Variants in GAS7 observed in about 807,000 individuals in gnomAD.
GAS7 encodes growth arrest specific 7.
Under a neutral mutation model 71.1 loss-of-function variants are expected in GAS7, and 28 were observed. The ratio of observed to expected loss-of-function variants is 0.39; its 90% CI spans 0.29 to 0.54. The LOEUF (loss-of-function observed/expected upper bound fraction) is 0.54. GAS7 is among the 20% of genes least tolerant of loss of function. GAS7 has a pLI of 0.62. For synonymous variants in GAS7, 258 were observed against 245.8 expected (o/e 1.05, Z -0.46); for missense variants, 436 against 627.8 (o/e 0.69, Z 3.27).
rs990536190 is a variant in GAS7, at chr17:9,953,353, G to A, written c.525+5849C>T. 1.6e-3 allele frequency among the ~76,000 whole-genome samples: 248 copies of A among 152,122 alleles called. 5 individuals carry two copies. The highest frequency in any genetic ancestry group is 1.3e-4 in the Non-Finnish European group (9 of 68,008). Reference sequence around the variant, plus strand: ...TCCTTGAGGATACCAGTCCTCAGATGGAGCCCCGAGGTGCCTGCCACTGTC... The same window carrying A: ...TCCTTGAGGATACCAGTCCTCAGATAGAGCCCCGAGGTGCCTGCCACTGTC... On this transcript the variant is annotated intron_variant, in intron 5 of 13. Transcript: ENST00000432992.
At chr17:10,193,955 TC>T (rs1369376163) in intron 1 of GAS7, among the ~76,000 whole-genome samples, 38 of 152,224 alleles carry the variant, frequency 2.5e-4, no homozygotes, top group African/African-American at 8.2e-4. Flanking sequence ...AAAACATCAT[TC>T]CTTAATTATC....
At chr17:10,179,468 A>C (rs890176449) in intron 1 of GAS7, among the ~76,000 whole-genome samples, 31 of 138,394 alleles carry the variant, frequency 2.2e-4, no homozygotes, top group Admixed American at 7.0e-4. Context: ...AAGCTGGTTT[A>C]TCTGTCACCT....
intron 1 of GAS7, among the ~76,000 whole-genome samples, chr17:10,029,630 G>C (rs376436230): frequency 2.0e-5 from 3 of 152,074 alleles, no homozygotes; most frequent in Non-Finnish European, 4.4e-5. Context: ...AAGGTAGGGG[G>C]ATCACTTGAG....
chr17:10,190,581 A>G lies in GAS7; in HGVS notation c.183+7627T>C, dbSNP rs76024962. Among the ~76,000 whole-genome samples the G allele has an allele frequency of 9.8e-5, 14 of 142,232 alleles. No homozygotes were observed. In the South Asian group the frequency reaches 2.8e-3, roughly 28 times the overall value. 93.3% of individuals were successfully genotyped at this position (142,232 alleles called of 152,430 possible). ...AGCGACAGAGCAAGACTCCGTCTCAAAAAAAAAAAAAAGAAAAAAAGAAAT... is the reference window on the plus strand; with the variant it reads ...AGCGACAGAGCAAGACTCCGTCTCAGAAAAAAAAAAAAGAAAAAAAGAAAT... On this transcript the variant is annotated intron_variant, in intron 1 of 13. Transcript: ENST00000432992.
intron 6 of GAS7, among the ~76,000 whole-genome samples, chr17:9,944,512 C>T (rs984243544): frequency 1.3e-5 from 2 of 152,136 alleles, no homozygotes; most frequent in African/African-American, 4.8e-5. Context: ...CCAGATCAGA[C>T]ATTTTAGGAG....
chr17:9,922,162 A>T (rs1011511443), intron 11 of GAS7, among the ~76,000 whole-genome samples: 2 of 151,682 alleles, frequency 1.3e-5, no homozygotes, highest in African/African-American at 4.8e-5. Flanking sequence ...GGGCGTAGAG[A>T]GCCAAATATT....
chr17:10,191,361 A>G (rs1328504722), intron 1 of GAS7, among the ~76,000 whole-genome samples: 3 of 151,454 alleles, frequency 2.0e-5, no homozygotes, highest in African/African-American at 4.9e-5. Context: ...CTTGAGCCCA[A>G]GAGTTTGAGA....
intron 11 of GAS7, 89 bp downstream of exon 11, chr17:9,925,387 A>G (rs2067961859): frequency 4.4e-6 from 6 of 1,349,850 alleles, no homozygotes; most frequent in Non-Finnish European, 5.3e-6. Flanking sequence ...CAAAGGAGAG[A>G]TGCACCCTCG....
At chr17:9,995,753 G>A (rs975146912) in intron 2 of GAS7, among the ~76,000 whole-genome samples, 5 of 152,186 alleles carry the variant, frequency 3.3e-5, no homozygotes, top group Admixed American at 2.6e-4. Flanking sequence ...CGTGTCTTTT[G>A]ACCTAACAAT....
intron 1 of GAS7, among the ~76,000 whole-genome samples, chr17:10,090,014 G>A (rs950570943): frequency 1.3e-5 from 2 of 151,864 alleles, no homozygotes; most frequent in East Asian, 3.9e-4. Flanking sequence ...CTAAAAATAC[G>A]AAAAATTAGC....
Position 9,915,611 on chromosome 17 carries a change from A to G in GAS7, c.*1617T>C, listed in dbSNP as rs535148542. The stretch of plus-strand genomic sequence containing the variant: ...ACTATACGAAAGCAATTCTCATTCA[A>G]TGAAAGAGGCGCCAAAAAATTAGAG... On this transcript the variant is annotated 3_prime_UTR_variant, in exon 14 of 14. Coordinates refer to ENST00000432992, the MANE Select transcript of GAS7 (RefSeq NM_201433.2). 8.8e-6 allele frequency: 2 copies of G among 227,374 alleles called. No individual in the cohort carries two copies. Among genetic ancestry groups the G allele is most frequent in the African/African-American group, 2.2e-5 (1 of 45,134 alleles). The allele number at this position is 227,374 out of a possible 1,614,324, so 14.1% of individuals were successfully genotyped here. A position where few individuals can be genotyped will look rare whatever the true frequency, so the allele number is the denominator to read the frequency against.
chr17:10,116,362 T>C (rs2142071991), intron 1 of GAS7, among the ~76,000 whole-genome samples: 1 of 151,688 alleles, frequency 6.6e-6, no homozygotes, highest in Non-Finnish European at 1.5e-5. Flanking sequence ...TCCCTTAGAC[T>C]CTGACAGTGC....
intron 1 of GAS7, among the ~76,000 whole-genome samples, chr17:10,062,570 G>C (rs2073231605): frequency 6.6e-6 from 1 of 152,214 alleles, no homozygotes; most frequent in Non-Finnish European, 1.5e-5. Context: ...CATGGATATA[G>C]AGAAAAGTTA....
At chr17:10,159,644 C>T (rs537734794) in intron 1 of GAS7, among the ~76,000 whole-genome samples, 5 of 152,150 alleles carry the variant, frequency 3.3e-5, no homozygotes, top group Non-Finnish European at 5.9e-5. Context: ...AAGTCAAGAT[C>T]GGGGTCACCT....
chr17:9,998,090 C>T (rs912668378), intron 2 of GAS7, among the ~76,000 whole-genome samples: 15 of 152,200 alleles, frequency 9.9e-5, no homozygotes, highest in African/African-American at 3.1e-4. Context: ...GTGGGGTAGG[C>T]GCTGAAGTTC....
intron 1 of GAS7, among the ~76,000 whole-genome samples, chr17:10,108,070 G>A (rs976266774): frequency 2.6e-5 from 4 of 152,170 alleles, no homozygotes; most frequent in South Asian, 2.1e-4. Context: ...ATAGTCCAGA[G>A]GGGGTCTGGG....
rs1254981892 is a variant in GAS7 at position 9,926,546 on chromosome 17, C to T, written c.1014+95G>A. 12 of 1,336,328 alleles carry T rather than the reference C, an allele frequency of 9.0e-6. No individual in the cohort carries two copies. In the East Asian group the frequency reaches 2.5e-4, roughly 28 times the overall value. 82.8% of individuals were successfully genotyped at this position (1,336,328 alleles called of 1,614,324 possible). A position where few individuals can be genotyped will look rare whatever the true frequency, so the allele number is the denominator to read the frequency against. On this transcript the variant is annotated intron_variant, in intron 10 of 13. Transcript: ENST00000432992. This position sits in a 1 kb window ranked among gnomAD's most constrained non-coding sequence, Gnocchi z 5.0. ...CCCCTACCTGGGGACAAAGACTCAG[C>T]CTTGGCGTATGGAGCCACTGCTGGC...
chr17:10,092,669 T>C (rs916927689), intron 1 of GAS7, among the ~76,000 whole-genome samples: 8 of 152,206 alleles, frequency 5.3e-5, no homozygotes, highest in Non-Finnish European at 1.2e-4. Context: ...CTTACAATAT[T>C]CTGAGGTCAG....
Position 10,036,527 on chromosome 17 carries a change from G to A in GAS7, c.184-16630C>T, listed in dbSNP as rs2072756016. 1.4e-5 allele frequency: 23 copies of A among 1,601,814 alleles called. No homozygotes were observed. The South Asian group carries it at 2.6e-4, about 18-fold the overall frequency. ...CCCTCAGACTCAGCACCAAGACTCC[G>A]CCGGCTTCCTCTTCATGGCAGCCTC... On this transcript the variant is annotated intron_variant, in intron 1 of 13. Transcript: ENST00000432992.
Sources: gnomAD v4.1 joint callset for allele counts (sites outside exome capture counted in the v4.1 genomes callset) on GRCh38, gnomAD v4.1.1 for gene constraint, Gnocchi (gnomAD v3.1) non-coding constraint, MANE v1.5 for transcripts, NCBI Gene and HGNC (gene_info 2026-07-23, HGNC 2026-07-21) for gene names.